Variants in SCHIP1 observed in about 807,000 individuals in gnomAD.
SCHIP1 encodes the protein schwannomin-interacting protein 1.
Under a neutral mutation model 29.7 loss-of-function variants are expected in SCHIP1, and 8 were observed. The observed-to-expected ratio is 0.27, with a 90% CI of 0.16 to 0.49. The LOEUF is 0.49. Ranked by LOEUF, SCHIP1 falls within the 20% of genes least tolerant of loss-of-function variation. The pLI is 0.99. For synonymous variants in SCHIP1, 76 were observed against 94.9 expected, an observed-to-expected ratio of 0.80 and a Z score of 1.16; for missense variants, 193 against 294.6, an observed-to-expected ratio of 0.66 and a Z score of 2.52.
chr3:159,632,232 G>A, the SCHIP1 span, among the ~76,000 whole-genome samples: 67 of 152,242 alleles, frequency 4.4e-4, no homozygotes, highest in African/African-American at 1.2e-3. Context: ...GGATTATTGT[G>A]AGCCTTCTGC....
chr3:159,448,328 A>C, the SCHIP1 span, among the ~76,000 whole-genome samples: 1 of 152,070 alleles, frequency 6.6e-6, no homozygotes, highest in Non-Finnish European at 1.5e-5. Context: ...AAAATTAGCC[A>C]GGTGTGGTGG....
chr3:159,535,912 T>A, the SCHIP1 span, among the ~76,000 whole-genome samples: 1 of 152,226 alleles, frequency 6.6e-6, no homozygotes, highest in Non-Finnish European at 1.5e-5. Context: ...ACAGGCTGCA[T>A]GTGACCTGTG....
At chr3:159,539,979 G>A in the SCHIP1 span, among the ~76,000 whole-genome samples, 1 of 151,944 alleles carries the variant, frequency 6.6e-6, no homozygotes, top group Admixed American at 6.6e-5. Context: ...GTTGTTCTCT[G>A]CTCTCCCTCC....
chr3:159,327,563 G>A, the SCHIP1 span, among the ~76,000 whole-genome samples: 2,596 of 152,278 alleles, frequency 0.017, 92 homozygotes, highest in African/African-American at 0.06. Context: ...TGGGAGCTGT[G>A]GCAGATGTGT....
chr3:159,851,076 C>G (rs1712564463), intron 1 of SCHIP1, among the ~76,000 whole-genome samples: 2 of 152,172 alleles, frequency 1.3e-5, no homozygotes, highest in South Asian at 4.1e-4. Flanking sequence ...GAGCTCAAGA[C>G]CAGCCTGGGC....
the SCHIP1 span, among the ~76,000 whole-genome samples, chr3:159,649,245 A>G: frequency 6.6e-6 from 1 of 152,084 alleles, no homozygotes; most frequent in Admixed American, 6.6e-5. Flanking sequence ...GACTGCAGTC[A>G]TTTCACCTTG....
At chr3:159,652,611 C>T in the SCHIP1 span, among the ~76,000 whole-genome samples, 2 of 151,912 alleles carry the variant, frequency 1.3e-5, no homozygotes, top group African/African-American at 2.4e-5. Context: ...GAAGGACATA[C>T]TAAGAGTGAT....
the SCHIP1 span, among the ~76,000 whole-genome samples, chr3:159,589,915 A>C: frequency 6.6e-6 from 1 of 152,194 alleles, no homozygotes; most frequent in East Asian, 1.9e-4. Context: ...AATGAAGGCA[A>C]GTGTTAGGAA....
chr3:159,302,601 A>G, the SCHIP1 span, among the ~76,000 whole-genome samples: 1 of 152,182 alleles, frequency 6.6e-6, no homozygotes, highest in South Asian at 2.1e-4. Context: ...AGACTTCACT[A>G]TTTTCGAAAT....
chr3:159,880,366 T>C (rs1227515438), intron 2 of SCHIP1, among the ~76,000 whole-genome samples: 1 of 152,210 alleles, frequency 6.6e-6, no homozygotes, highest in Admixed American at 6.5e-5. Flanking sequence ...AATGTCCAGG[T>C]AGCAAAAGTA....
At chr3:159,389,395 G>A in the SCHIP1 span, among the ~76,000 whole-genome samples, 1 of 151,998 alleles carries the variant, frequency 6.6e-6, no homozygotes, top group Non-Finnish European at 1.5e-5. Context: ...AGAATATGAA[G>A]TGTTAGCAAG....
the SCHIP1 span, among the ~76,000 whole-genome samples, chr3:159,308,854 C>G: frequency 1.3e-5 from 2 of 152,156 alleles, no homozygotes; most frequent in Non-Finnish European, 2.9e-5. Context: ...AAATCATGTA[C>G]TTTGCAGCAA....
the SCHIP1 span, among the ~76,000 whole-genome samples, chr3:159,633,158 G>A: frequency 1.3e-5 from 2 of 152,062 alleles, no homozygotes; most frequent in South Asian, 2.1e-4. Flanking sequence ...CTAAGGGTTG[G>A]GACACAGATT....
chr3:159,486,290 C>T, the SCHIP1 span, among the ~76,000 whole-genome samples: 15 of 152,112 alleles, frequency 9.9e-5, no homozygotes, highest in South Asian at 1.0e-3. Context: ...GATAACATTT[C>T]CCCATTTCCC....
chr3:159,549,993 A>T, the SCHIP1 span, among the ~76,000 whole-genome samples: 4 of 148,076 alleles, frequency 2.7e-5, no homozygotes, highest in African/African-American at 9.8e-5. Context: ...TTTTCAATAA[A>T]CCATCTCTTT....
the SCHIP1 span, among the ~76,000 whole-genome samples, chr3:159,694,706 G>A: frequency 3.3e-5 from 5 of 152,156 alleles, no homozygotes; most frequent in African/African-American, 1.2e-4. Context: ...CTCTGTCACT[G>A]ATTCAAGAAA....
chr3:159,573,977 T>C, the SCHIP1 span, among the ~76,000 whole-genome samples: 1 of 152,246 alleles, frequency 6.6e-6, no homozygotes, highest in Non-Finnish European at 1.5e-5. Context: ...TTTAAGGTCT[T>C]CTCTACACTG....
At chr3:159,505,678 G>A in the SCHIP1 span, among the ~76,000 whole-genome samples, 1 of 151,936 alleles carries the variant, frequency 6.6e-6, no homozygotes, top group African/African-American at 2.4e-5. Flanking sequence ...GTGTCCAAGT[G>A]TTCTCATTGT....
At chr3:159,497,706 G>A in the SCHIP1 span, among the ~76,000 whole-genome samples, 12 of 151,884 alleles carry the variant, frequency 7.9e-5, no homozygotes, top group African/African-American at 1.7e-4. Flanking sequence ...TGGAAGAGAA[G>A]GAGGGAGTGA....
Sources: gnomAD v4.1 joint callset for allele counts (sites outside exome capture counted in the v4.1 genomes callset) on GRCh38, gnomAD v4.1.1 for gene constraint, MANE v1.5 for transcripts, NCBI Gene and HGNC (gene_info 2026-07-23, HGNC 2026-07-21) for gene names.